HDAC3: variants seen among roughly 807,000 people sequenced by gnomAD.
HDAC3 encodes SMAP45.
Under a neutral mutation model 62.3 loss-of-function variants are expected in HDAC3, and 21 were observed. The observed-to-expected ratio is 0.34, with a 90% CI of 0.24 to 0.49. HDAC3 has a LOEUF of 0.49. Among genes scored for constraint, HDAC3 ranks in the 20% least tolerant of loss-of-function variants. The probability of loss-of-function intolerance (pLI) is 0.99; values close to 1 mark genes in which losing one functional copy is unlikely to be tolerated. For synonymous variants in HDAC3, 198 were observed against 206.5 expected (o/e 0.96, Z 0.35); for missense variants, 270 against 556.9 (o/e 0.48, Z 5.19).
intron 14 of HDAC3, among the ~76,000 whole-genome samples, chr5:141,623,163 C>A (rs1011002698): frequency 2.6e-5 from 4 of 152,216 alleles, no homozygotes; most frequent in Non-Finnish European, 5.9e-5. Flanking sequence ...ACTCTCTGAG[C>A]CTTAGATTCC....
At position 141,636,818 on chromosome 5, in the gene HDAC3, T is replaced by C; in HGVS notation, c.-28A>G. 1.3e-6 allele frequency: 2 copies of C among 1,498,196 alleles called. No individual in the cohort carries two copies. The highest frequency in any genetic ancestry group is 1.8e-6 in the Non-Finnish European group (2 of 1,129,036). The allele number at this position is 1,498,196 out of a possible 1,614,324, so 92.8% of individuals were successfully genotyped here. A position where few individuals can be genotyped will look rare whatever the true frequency, so the allele number is the denominator to read the frequency against. ...TGCCGGCGGGAGCAGGCCCCGCACC[T>C]CCGCCGCCCGCCGCCCGCGGCCGCC... On this transcript the variant is annotated 5_prime_UTR_variant, in exon 1 of 15. Coordinates refer to ENST00000305264, the MANE Select transcript of HDAC3 (RefSeq NM_003883.4).
chr5:141,625,258 C>T lies in HDAC3; in HGVS notation c.1167G>A (p.Arg389=), dbSNP rs149668238. 2.8e-4 allele frequency: 449 copies of T among 1,614,158 alleles called. No individual in the cohort carries two copies. Among genetic ancestry groups the T allele is most frequent in the Non-Finnish European group, 3.5e-4 (409 of 1,180,030 alleles). ...TCTCCTCTGCATCAGCCTCATCAGTCCTGTCATAGGTCAGGAGGTCTGCAG... is the reference window on the plus strand; with the variant it reads ...TCTCCTCTGCATCAGCCTCATCAGTTCTGTCATAGGTCAGGAGGTCTGCAG... ...DVPADLLTYD[R]TDEADAEERG... The change falls in exon 14 of 15, where the codon AGG becomes AGA. Residue 389 remains arginine (R), a synonymous_variant. Coordinates refer to ENST00000305264, the MANE Select transcript of HDAC3 (RefSeq NM_003883.4). The surrounding 1 kb of genome is among the most constrained non-coding windows in gnomAD (Gnocchi z 4.0).
Position 141,621,198 on chromosome 5 carries a change from A to T in HDAC3, c.*270T>A, listed in dbSNP as rs753702705. The T allele has an allele frequency of 1.2e-5, 5 of 414,566 alleles. No homozygotes were observed. Among genetic ancestry groups the T allele is most frequent in the Non-Finnish European group, 2.2e-5 (5 of 229,718 alleles). 25.7% of individuals were successfully genotyped at this position (414,566 alleles called of 1,614,324 possible). ...GAAGAAATAAGGGGCAAGGGGGGCT[A>T]GGGACTGGCCTCCAGGGCCCACTGC... On this transcript the variant is annotated 3_prime_UTR_variant, in exon 15 of 15. Transcript: ENST00000305264.
intron 3 of HDAC3, 84 bp from the exon 4 acceptor site, chr5:141,630,209 A>G: frequency 7.8e-7 from 1 of 1,280,212 alleles, no homozygotes; most frequent in Non-Finnish European, 1.1e-6. Flanking sequence ...AGATTCCTCC[A>G]ATCTCCATTT....
chr5:141,630,524 A>G (rs2099905045), intron 3 of HDAC3, among the ~76,000 whole-genome samples: 1 of 152,248 alleles, frequency 6.6e-6, no homozygotes, highest in African/African-American at 2.4e-5. Context: ...TATTTTAAAG[A>G]AAGAACTGTA....
intron 3 of HDAC3, 28 bp downstream of exon 3, chr5:141,634,783 G>C (rs1028175853): frequency 1.2e-6 from 2 of 1,610,522 alleles, no homozygotes; most frequent in Admixed American, 1.7e-5. Flanking sequence ...TAAACTGTTA[G>C]ACATCAAAAC....
At chr5:141,630,158 T>C (rs2099904986) in intron 3 of HDAC3, 33 bp from the exon 4 acceptor site, 4 of 1,597,652 alleles carry the variant, frequency 2.5e-6, no homozygotes, top group African/African-American at 2.7e-5. Context: ...GGAACCCTCC[T>C]GCCTCTGTCT....
chr5:141,622,623 G>C (rs1053665773), intron 14 of HDAC3, among the ~76,000 whole-genome samples: 1 of 151,666 alleles, frequency 6.6e-6, no homozygotes, highest in Non-Finnish European at 1.5e-5. Flanking sequence ...AGAAAGAAAA[G>C]AAAAAGTATT....
intron 14 of HDAC3, 69 bp from the exon 15 acceptor site, chr5:141,621,606 A>G: frequency 7.3e-7 from 1 of 1,365,584 alleles, no homozygotes; most frequent in Non-Finnish European, 1.0e-6. Flanking sequence ...ACCCTTTTCC[A>G]AAGCCATTTC....
intron 3 of HDAC3, 56 bp from the exon 4 acceptor site, chr5:141,630,181 T>C: frequency 6.7e-7 from 1 of 1,491,356 alleles, no homozygotes; most frequent in Non-Finnish European, 9.3e-7. Context: ...GCCCTTCCCA[T>C]ATCTCCCTCC....
chr5:141,631,482 T>C (rs1188261522), intron 3 of HDAC3, among the ~76,000 whole-genome samples: 1 of 152,230 alleles, frequency 6.6e-6, no homozygotes, highest in East Asian at 1.9e-4. Flanking sequence ...GTTATAATAA[T>C]GTAAACACAG....
At position 141,628,016 on chromosome 5, in the gene HDAC3, AT is replaced by A; in HGVS notation, c.766-60del. ...ATCAGAACTGATCAGAACATCACAGATACCCCTTCCACCACCAACCTAAAGA... is the reference window on the plus strand; with the variant it reads ...ATCAGAACTGATCAGAACATCACAGAACCCCTTCCACCACCAACCTAAAGA... On this transcript the variant is annotated intron_variant, in intron 9 of 14. Transcript: ENST00000305264. This position sits in a 1 kb window ranked among gnomAD's most constrained non-coding sequence, Gnocchi z 4.7. 2 of 1,605,004 alleles carry A rather than the reference AT, an allele frequency of 1.2e-6. No homozygotes were observed. Among genetic ancestry groups the A allele is most frequent in the Non-Finnish European group, 1.7e-6 (2 of 1,171,686 alleles).
In HDAC3 at chr5:141,629,307, C is replaced by G. The variant is rs762592288; in HGVS notation, c.477-1G>C. The G allele has an allele frequency of 6.2e-7, 1 of 1,614,128 alleles. No homozygotes were observed. The highest frequency in any genetic ancestry group is 8.5e-7 in the Non-Finnish European group (1 of 1,180,016). On this transcript the variant is annotated splice_acceptor_variant, in intron 6 of 14. Coordinates refer to ENST00000305264, the MANE Select transcript of HDAC3 (RefSeq NM_003883.4). LOFTEE classifies it high-confidence loss of function. This position sits in a 1 kb window ranked among gnomAD's most constrained non-coding sequence, Gnocchi z 5.3. ...AATGTAGAGCACCCGAGGGTGGTAC[C>G]TAGAGGGAAGCCAAAGCCAGGGTCT... is the stretch of plus-strand genomic sequence containing the variant.
Position 141,629,533 on chromosome 5 carries a change from C to T in HDAC3, c.476+151G>A. On this transcript the variant is annotated intron_variant, in intron 6 of 14. Coordinates refer to ENST00000305264, the MANE Select transcript of HDAC3 (RefSeq NM_003883.4). The surrounding 1 kb of genome is among the most constrained non-coding windows in gnomAD (Gnocchi z 5.3). ...GAAATGTGAGCAGGCAGTAGGGAAT[C>T]TGCAGCAGTGGAAGAGGCAGCCTGA... 1.1e-6 allele frequency: 1 copy of T among 908,760 alleles called. No individual in the cohort carries two copies. Among genetic ancestry groups the T allele is most frequent in the Admixed American group, 2.0e-5 (1 of 49,948 alleles). The allele number at this position is 908,760 out of a possible 1,614,324, so 56.3% of individuals were successfully genotyped here. A position where few individuals can be genotyped will look rare whatever the true frequency, so the allele number is the denominator to read the frequency against.
chr5:141,625,586 C>G lies in HDAC3; in HGVS notation c.1059+99G>C, dbSNP rs972830501. On this transcript the variant is annotated intron_variant, in intron 13 of 14. Coordinates refer to ENST00000305264, the MANE Select transcript of HDAC3 (RefSeq NM_003883.4). The surrounding 1 kb of genome is among the most constrained non-coding windows in gnomAD (Gnocchi z 4.0). The stretch of plus-strand genomic sequence containing the variant: ...TAACAGTGACTGTGATGGCTTAGAA[C>G]TTCCTTCTCTTTGGTTTTTCCTACT... The G allele has an allele frequency of 1.4e-5, 18 of 1,274,284 alleles. No homozygotes were observed. The highest frequency in any genetic ancestry group is 1.6e-5 in the Non-Finnish European group (14 of 877,490). 78.9% of individuals were successfully genotyped at this position (1,274,284 alleles called of 1,614,324 possible). A position where few individuals can be genotyped will look rare whatever the true frequency, so the allele number is the denominator to read the frequency against.
intron 14 of HDAC3, among the ~76,000 whole-genome samples, chr5:141,623,371 T>C (rs572362352): frequency 5.1e-4 from 78 of 152,060 alleles, no homozygotes; most frequent in African/African-American, 1.5e-3. Context: ...AGAAACTCAG[T>C]GGGTGGCCTG....
chr5:141,624,196 C>T (rs1324248843), intron 14 of HDAC3, among the ~76,000 whole-genome samples: 1 of 151,194 alleles, frequency 6.6e-6, no homozygotes, highest in Non-Finnish European at 1.5e-5. Context: ...GCTGGCAAGA[C>T]TATAGGGTGC....
intron 2 of HDAC3, 164 bp downstream of exon 2, chr5:141,636,384 C>G: frequency 1.5e-6 from 1 of 653,944 alleles, no homozygotes; most frequent in Non-Finnish European, 2.8e-6. Context: ...GCAGAGGACG[C>G]CACCCCCAAC....
At position 141,628,480 on chromosome 5, in the gene HDAC3, G is replaced by T; in HGVS notation, c.691+79C>A. The T allele has an allele frequency of 8.4e-7, 1 of 1,195,154 alleles. No homozygotes were observed. The highest frequency in any genetic ancestry group is 1.2e-5 in the South Asian group (1 of 81,716). The allele number at this position is 1,195,154 out of a possible 1,614,324, so 74.0% of individuals were successfully genotyped here. On this transcript the variant is annotated intron_variant, in intron 8 of 14. Transcript: ENST00000305264. The surrounding 1 kb of genome is among the most constrained non-coding windows in gnomAD (Gnocchi z 4.7). ...CTTAAGGACAACTGGCCCAACAGCA[G>T]ACAATACCAGGCAGAAGAGGTTATT...
Sources: allele counts gnomAD v4.1 joint callset (sites outside exome capture counted in the v4.1 genomes callset), GRCh38; gene constraint gnomAD v4.1.1; non-coding constraint Gnocchi (gnomAD v3.1); transcripts MANE v1.5; gene names NCBI Gene and HGNC (gene_info 2026-07-23, HGNC 2026-07-21).